The following CFAP74 variants were observed in gnomAD, a reference collection of about 807,000 sequenced individuals.
The protein encoded by CFAP74 is cilia and flagella associated protein 74, also known as cilia- and flagella-associated protein 74.
In CFAP74, 124 loss-of-function variants were observed where a neutral mutation model predicts 188.9. The ratio of observed to expected loss-of-function variants is 0.66; its 90% confidence interval spans 0.57 to 0.76. CFAP74 has a LOEUF of 0.76. Among genes scored for constraint, CFAP74 ranks in the 30% least tolerant of loss-of-function variants. The probability of loss-of-function intolerance (pLI) is 0.00; values close to 1 mark genes in which losing one functional copy is unlikely to be tolerated. For synonymous variants in CFAP74, 956 were observed against 916.7 expected (o/e 1.04, Z -0.77); for missense variants, 2,198 against 2,165.2 (o/e 1.02, Z -0.30).
chr1:1,936,476 G>A (rs764138337), intron 25 of CFAP74, among the ~76,000 whole-genome samples: 5 of 151,296 alleles, frequency 3.3e-5, no homozygotes, highest in Non-Finnish European at 5.9e-5. Context: ...CCCGGGAAGC[G>A]AAGGTTGCAG....
In CFAP74 at chr1:1,991,757, T is replaced by C. The variant is rs578119711; in HGVS notation, c.-19-782A>G. 2.6e-5 allele frequency among the ~76,000 whole-genome samples: 4 copies of C among 152,202 alleles called. No homozygotes were observed. The South Asian group carries it at 6.2e-4, about 24-fold the overall frequency. ...ATATACTGAGTAGAATGCCTGAGAT[T>C]GGCTGGGCGTGGTGGCTCACACCTG... is the stretch of plus-strand genomic sequence containing the variant. On this transcript the variant is annotated intron_variant, in intron 1 of 38. Coordinates refer to ENST00000682832, the MANE Select transcript of CFAP74 (RefSeq NM_001304360.2).
At chr1:1,989,305 G>A (rs1384986658) in intron 2 of CFAP74, among the ~76,000 whole-genome samples, 3 of 152,256 alleles carry the variant, frequency 2.0e-5, no homozygotes, top group African/African-American at 7.2e-5. Context: ...AGCTGTGTGT[G>A]TGGGAGCCGC....
intron 21 of CFAP74, 139 bp downstream of exon 21, chr1:1,944,192 G>A (rs924489227): frequency 4.2e-6 from 6 of 1,429,556 alleles, no homozygotes; most frequent in Non-Finnish European, 5.5e-6. Flanking sequence ...GTGTGCACAG[G>A]CAGGCAGCGG....
At chr1:1,970,003 G>C (rs990249829) in intron 10 of CFAP74, among the ~76,000 whole-genome samples, 11 of 152,124 alleles carry the variant, frequency 7.2e-5, no homozygotes, top group Admixed American at 6.5e-4. Flanking sequence ...GCTGGGAAAG[G>C]CGAGACTGAG....
chr1:1,998,142 G>A (rs1456035547), intron 1 of CFAP74, among the ~76,000 whole-genome samples: 2 of 152,176 alleles, frequency 1.3e-5, no homozygotes, highest in African/African-American at 4.8e-5. Context: ...GCCGAGTGTG[G>A]TGGCGGGCAC....
chr1:2,001,781 A>T lies in CFAP74; in HGVS notation c.-20+1920T>A, dbSNP rs141544693. On this transcript the variant is annotated intron_variant, in intron 1 of 38. Transcript: ENST00000682832. ...GATGGAATGAACAGGCCACGGTGTC[A>T]CCTCTGCGACTTTCCTGTCCGAGAC... Among the ~76,000 whole-genome samples the T allele has an allele frequency of 2.1e-3, 323 of 151,786 alleles. 1 individual carries two copies. Among genetic ancestry groups the T allele is most frequent in the Non-Finnish European group, 3.6e-3 (246 of 68,018 alleles).
At chr1:1,967,511 G>A (rs768181015) in intron 11 of CFAP74, among the ~76,000 whole-genome samples, 3 of 152,138 alleles carry the variant, frequency 2.0e-5, no homozygotes, top group African/African-American at 7.2e-5. Flanking sequence ...AGGGATCGGC[G>A]GGTGCAAAGG....
Position 1,941,904 on chromosome 1 carries a change from A to G in CFAP74, c.2615+124T>C, listed in dbSNP as rs890312125. ...AGCGTCATGGCCTCTGCCCCAGAACACATCCCTGGAGGCTGATGATCCCGG... is the reference window on the plus strand; with the variant it reads ...AGCGTCATGGCCTCTGCCCCAGAACGCATCCCTGGAGGCTGATGATCCCGG... On this transcript the variant is annotated intron_variant, in intron 22 of 38. Transcript: ENST00000682832. 1.1e-4 allele frequency: 115 copies of G among 1,071,286 alleles called. No individual in the cohort carries two copies. The African/African-American group carries it at 1.7e-3, about 16-fold the overall frequency. The allele number at this position is 1,071,286 out of a possible 1,614,324, so 66.4% of individuals were successfully genotyped here.
rs1331710975 is a variant in CFAP74, at chr1:1,939,642, G to A, written c.2829C>T (p.His943=). The A allele has an allele frequency of 1.3e-6, 2 of 1,535,986 alleles. No homozygotes were observed. The highest frequency in any genetic ancestry group is 1.7e-6 in the Non-Finnish European group (2 of 1,146,886). Residue 943 remains histidine, a synonymous_variant, in exon 24 of 39, where the codon CAC becomes CAT. Coordinates refer to ENST00000682832, the MANE Select transcript of CFAP74 (RefSeq NM_001304360.2). ...ACTCCTGGGGCAGGAGCGAGTGGTT[G>A]TGGAGGCTGATTTCCGTCCTGATGG... ...YEAIRTEISL[H]NHSLLPQEFG... is the part of the protein sequence containing the mutation.
At chr1:1,928,251 T>A (rs2803350) in intron 27 of CFAP74, among the ~76,000 whole-genome samples, 17 of 27,966 alleles carry the variant, frequency 6.1e-4, no homozygotes, top group African/African-American at 2.5e-3. Flanking sequence ...GGGCAAACCC[T>A]TGGGAGGAAG....
chr1:1,942,588 G>A lies in CFAP74; in HGVS notation c.2487-432C>T, dbSNP rs1235229987. 1.3e-5 allele frequency among the ~76,000 whole-genome samples: 2 copies of A among 152,144 alleles called. No individual in the cohort carries two copies. Among genetic ancestry groups the A allele is most frequent in the South Asian group, 2.1e-4 (1 of 4,814 alleles). ...AAGCACAGGGCACGTGGGGGGCCTG[G>A]GACGGCCACAGGCCTCGGTTATGAC... On this transcript the variant is annotated intron_variant, in intron 21 of 38. Transcript: ENST00000682832. The surrounding 1 kb of genome is among the most constrained non-coding windows in gnomAD (Gnocchi z 4.3).
rs568430746 is a variant in CFAP74, at chr1:1,943,019, T to G, written c.2487-863A>C. Among the ~76,000 whole-genome samples, 546 of 152,314 alleles carry G rather than the reference T, an allele frequency of 3.6e-3. 7 individuals carry two copies. Among genetic ancestry groups the G allele is most frequent in the Middle Eastern group, 0.017 (5 of 294 alleles). ...CTGGGCACGCCAGCCTCTGCACCCC[T>G]ACTGCTGGGCCCCATGGGAGGCGGG... On this transcript the variant is annotated intron_variant, in intron 21 of 38. Transcript: ENST00000682832.
intron 9 of CFAP74, among the ~76,000 whole-genome samples, chr1:1,971,038 C>T (rs544129248): frequency 6.7e-6 from 1 of 149,540 alleles, no homozygotes; most frequent in African/African-American, 2.5e-5. Context: ...TGCACACCTG[C>T]ACACACGTGC....
intron 1 of CFAP74, among the ~76,000 whole-genome samples, chr1:1,996,932 A>G (rs1387156581): frequency 6.6e-6 from 1 of 150,842 alleles, no homozygotes; most frequent in African/African-American, 2.4e-5. Context: ...AAAAAAAAAA[A>G]AAAGAAAAAA....
At chr1:1,937,593 C>T (rs890980118) in intron 25 of CFAP74, among the ~76,000 whole-genome samples, 4 of 152,168 alleles carry the variant, frequency 2.6e-5, no homozygotes, top group African/African-American at 9.7e-5. Flanking sequence ...ACATCGGAAA[C>T]AAAAGCGACC....
Position 1,973,368 on chromosome 1 carries a change from T to TG in CFAP74, c.675-322dup, listed in dbSNP as rs1656222126. Among the ~76,000 whole-genome samples the TG allele has an allele frequency of 1.3e-5, 2 of 151,624 alleles. No individual in the cohort carries two copies. Among genetic ancestry groups the TG allele is most frequent in the African/African-American group, 4.9e-5 (2 of 41,224 alleles). On this transcript the variant is annotated intron_variant, in intron 7 of 38. Coordinates refer to ENST00000682832, the MANE Select transcript of CFAP74 (RefSeq NM_001304360.2). This position sits in a 1 kb window ranked among gnomAD's most constrained non-coding sequence, Gnocchi z 6.2. ...CTGTGGGGAGGGAGGAGGCAGGGGC[T>TG]GGGGACCTTGTGTCTGCAGCCAGGG...
intron 25 of CFAP74, among the ~76,000 whole-genome samples, chr1:1,935,105 AC>A (rs1557997926): frequency 6.5e-5 from 5 of 76,528 alleles, no homozygotes; most frequent in African/African-American, 1.5e-4. Flanking sequence ...ACAGGTGTGT[AC>A]GTGGGTGTTA....
intron 28 of CFAP74, 51 bp from the exon 29 acceptor site, chr1:1,927,079 G>A (rs1453240100): frequency 5.2e-6 from 8 of 1,547,368 alleles, no homozygotes; most frequent in African/African-American, 2.7e-5. Context: ...ACCCACCATC[G>A]GCCCAGGCCG....
chr1:1,960,358 A>G (rs902979555), intron 14 of CFAP74, among the ~76,000 whole-genome samples: 2 of 152,264 alleles, frequency 1.3e-5, no homozygotes, highest in Non-Finnish European at 2.9e-5. Flanking sequence ...CCCTGGGCAC[A>G]GGTGCCAGGC....
Sources: allele counts gnomAD v4.1 joint callset (sites outside exome capture counted in the v4.1 genomes callset), GRCh38; gene constraint gnomAD v4.1.1; non-coding constraint Gnocchi (gnomAD v3.1); transcripts MANE v1.5; gene names NCBI Gene and HGNC (gene_info 2026-07-23, HGNC 2026-07-21).